The following ZFP90 variants were observed in gnomAD, a reference collection of about 807,000 sequenced individuals.
ZFP90 encodes the protein ZFP90 zinc finger protein, also known as zinc finger protein 90 homolog.
Under a neutral mutation model 60.8 loss-of-function variants are expected in ZFP90, and 38 were observed. The ratio of observed to expected loss-of-function variants is 0.62; its 90% confidence interval spans 0.48 to 0.82. The LOEUF (loss-of-function observed/expected upper bound fraction) is 0.82. Among genes scored for constraint, ZFP90 ranks in the 40% least tolerant of loss-of-function variants. The pLI is 0.00. For missense variants in ZFP90, 711 were observed against 759.1 expected (o/e 0.94, Z 0.74); for synonymous variants, 287 against 264.8 (o/e 1.08, Z -0.82).
chr16:68,574,092 G>A (rs1010187889), intron 2 of ZFP90: 4 of 151,952 alleles, frequency 2.6e-5, no homozygotes, highest in African/African-American at 9.7e-5. Context: ...GGCCCCTCCT[G>A]CCTTCTGACC....
At chr16:68,553,816 G>A (rs1401182775) in intron 2 of ZFP90, among the ~76,000 whole-genome samples, 1 of 152,052 alleles carries the variant, frequency 6.6e-6, no homozygotes, top group Non-Finnish European at 1.5e-5. Context: ...TTAGAGATGG[G>A]GTCTCACTGT....
At chr16:68,550,952 CTG>C (rs988543695) in intron 2 of ZFP90, among the ~76,000 whole-genome samples, 8 of 152,194 alleles carry the variant, frequency 5.3e-5, no homozygotes, top group Non-Finnish European at 1.0e-4. Flanking sequence ...CAGTAGGAAT[CTG>C]TGTGTGTGCA....
chr16:68,552,576 G>A (rs919355555), intron 2 of ZFP90, among the ~76,000 whole-genome samples: 11 of 152,106 alleles, frequency 7.2e-5, no homozygotes, highest in South Asian at 2.1e-4. Context: ...TTGAAGTAAC[G>A]CTTGCCGAGG....
intron 4 of ZFP90, 55 bp from the exon 5 acceptor site, chr16:68,562,989 C>T (rs2091459953): frequency 1.2e-6 from 2 of 1,604,500 alleles, no homozygotes; most frequent in South Asian, 1.1e-5. Context: ...CCTACTCTAG[C>T]AGTGTATTTC....
intron 4 of ZFP90, 55 bp downstream of exon 4, chr16:68,558,623 G>A (rs777436828): frequency 1.3e-6 from 2 of 1,509,498 alleles, no homozygotes; most frequent in Non-Finnish European, 1.8e-6. Context: ...GCACAACTTA[G>A]GGAGGGGGAG....
chr16:68,549,671 T>TC (rs1166000126), intron 2 of ZFP90, among the ~76,000 whole-genome samples: 1 of 70,030 alleles, frequency 1.4e-5, no homozygotes, highest in East Asian at 4.4e-4. Context: ...TGAGCAAGAC[T>TC]CCATCTCAAA....
At chr16:68,544,862 AC>A (rs2091117318) in intron 2 of ZFP90, among the ~76,000 whole-genome samples, 1 of 109,114 alleles carries the variant, frequency 9.2e-6, no homozygotes, top group Non-Finnish European at 1.8e-5. Context: ...ACCTGTGAAC[AC>A]CTTTTTTTTT....
chr16:68,558,073 A>C lies in ZFP90; in HGVS notation c.109A>C (p.Ser37Arg). Reference sequence around the variant, plus strand: ...GTACCATGTCGACCCTGCTCAGAGGAGCTTATACAGGGATGTGATGCTGGA... The same window carrying C: ...GTACCATGTCGACCCTGCTCAGAGGCGCTTATACAGGGATGTGATGCTGGA... The part of the protein sequence containing the change: ...EWYHVDPAQR[S>R]LYRDVMLENY... Residue 37 changes from serine (S) to arginine (R), a missense_variant, in exon 3 of 5, where the codon AGC becomes CGC. By Grantham distance (110) the Ser-to-Arg change is moderately radical. This residue lies in a region of ZFP90 where 241 missense variants were observed against 247.6 expected (regional missense o/e 0.97). Transcript: ENST00000563169. 2 of 1,613,736 alleles carry C rather than the reference A, an allele frequency of 1.2e-6. No homozygotes were observed. The highest frequency in any genetic ancestry group is 8.5e-7 in the Non-Finnish European group (1 of 1,179,928).
intron 2 of ZFP90, among the ~76,000 whole-genome samples, chr16:68,547,040 A>G (rs1417483437): frequency 2.6e-5 from 4 of 152,228 alleles, no homozygotes; most frequent in Non-Finnish European, 5.9e-5. Context: ...TAATGCTGCT[A>G]TGGCACTGAA....
intron 2 of ZFP90, among the ~76,000 whole-genome samples, chr16:68,541,293 C>T (rs2091045274): frequency 6.6e-6 from 1 of 152,040 alleles, no homozygotes; most frequent in South Asian, 2.1e-4. Flanking sequence ...CCACGTTGGC[C>T]TCCCAAGGTG....
chr16:68,534,723 G>A (rs1597703498), upstream of ZFP90, among the ~76,000 whole-genome samples: 1 of 151,390 alleles, frequency 6.6e-6, no homozygotes, highest in East Asian at 2.0e-4. Context: ...GGCTAACACA[G>A]TGAAACCCTG....
intron 2 of ZFP90, among the ~76,000 whole-genome samples, chr16:68,552,375 A>G (rs572058591): frequency 2.6e-5 from 4 of 152,320 alleles, no homozygotes; most frequent in African/African-American, 9.6e-5. Flanking sequence ...ACTGGGTAAC[A>G]GACACCTGAA....
chr16:68,569,933 C>T (rs953132798), downstream of ZFP90, among the ~76,000 whole-genome samples: 5 of 152,020 alleles, frequency 3.3e-5, no homozygotes, highest in African/African-American at 1.2e-4. Flanking sequence ...TAAACTAGGG[C>T]ATAATTCCTA....
intron 4 of ZFP90, 22 bp downstream of exon 4, chr16:68,558,590 A>AAT: frequency 1.2e-6 from 2 of 1,602,048 alleles, no homozygotes. Context: ...AGAGTCAGGC[A>AAT]TTAGGAATGA....
chr16:68,542,957 T>C (rs1356081705), intron 2 of ZFP90, among the ~76,000 whole-genome samples: 2 of 152,040 alleles, frequency 1.3e-5, no homozygotes, highest in Non-Finnish European at 2.9e-5. Context: ...AATAAATAAA[T>C]TGTATGGTAT....
intron 2 of ZFP90, among the ~76,000 whole-genome samples, chr16:68,554,787 A>G (rs1240111336): frequency 6.6e-6 from 1 of 152,292 alleles, no homozygotes; most frequent in Admixed American, 6.5e-5. Context: ...CCCCATCTCT[A>G]TTAAACAAAA....
intron 1 of ZFP90, 36 bp from the exon 2 acceptor site, chr16:68,539,722 G>A: frequency 6.7e-7 from 1 of 1,486,552 alleles, no homozygotes; most frequent in South Asian, 1.3e-5. Flanking sequence ...GGTCGGTGTT[G>A]CAGCGGGGTG....
upstream of ZFP90, among the ~76,000 whole-genome samples, chr16:68,537,405 C>T (rs767959770): frequency 3.9e-5 from 6 of 152,144 alleles, no homozygotes; most frequent in African/African-American, 7.2e-5. Context: ...GGATTACAGG[C>T]GTGAGCCACC....
Position 68,563,247 on chromosome 16 carries a change from A to C in ZFP90, c.460A>C (p.Asn154His). 6.2e-7 allele frequency: 1 copy of C among 1,613,584 alleles called. No individual in the cohort carries two copies. Among genetic ancestry groups the C allele is most frequent in the Non-Finnish European group, 8.5e-7 (1 of 1,179,808 alleles). ...GAAGAAAATAATTACACCACAAGAA[A>C]ATTTTGAGCAAAATAAATTTGGTGA... Reference protein sequence around the residue: ...TQKKIITPQENFEQNKFGENS... With the variant: ...TQKKIITPQEHFEQNKFGENS... The change falls in exon 5 of 5, where the codon AAT becomes CAT. Residue 154 changes from asparagine (N) to histidine (H), a missense_variant. Asn to His is a moderately conservative substitution (Grantham distance 68). Around this residue, in one of 5 missense-constraint regions of ZFP90, gnomAD observed 241 missense variants for 247.6 expected, o/e 0.97. Coordinates refer to ENST00000563169, the MANE Select transcript of ZFP90 (RefSeq NM_001305203.2).
Sources: gnomAD v4.1 joint callset for allele counts (sites outside exome capture counted in the v4.1 genomes callset) on GRCh38, gnomAD v4.1.1 for gene constraint, gnomAD v4.1.1 regional missense constraint, MANE v1.5 for transcripts, NCBI Gene and HGNC (gene_info 2026-07-23, HGNC 2026-07-21) for gene names.